Variants in ARID2 observed in about 807,000 individuals in gnomAD.
The protein encoded by ARID2 is AT-rich interactive domain-containing protein 2.
Under a neutral mutation model 184.6 loss-of-function variants are expected in ARID2, and 32 were observed. The observed-to-expected ratio is 0.17, with a 90% confidence interval of 0.13 to 0.23. The LOEUF is 0.23. Among genes scored for constraint, ARID2 ranks in the 10% least tolerant of loss-of-function variants. ARID2 has a pLI of 1.00. For missense variants in ARID2, 1,696 were observed against 2,197.6 expected (o/e 0.77, Z 4.56); for synonymous variants, 836 against 772.6 (o/e 1.08, Z -1.36).
rs2138173063 is a variant in ARID2, at chr12:45,851,702, T to C, written c.3579T>C (p.Thr1193=). The change falls in exon 15 of 21, where the codon ACT becomes ACC. Residue 1193 remains threonine, a synonymous_variant. Transcript: ENST00000334344. ...APATVSQGNA[T]QLIAPAGITM... is the part of the protein sequence containing the mutation. The stretch of plus-strand genomic sequence containing the variant: ...CAACTGTGAGTCAGGGAAATGCAAC[T>C]CAGCTCATTGCTCCAGCAGGAATTA... 6.2e-7 allele frequency: 1 copy of C among 1,614,120 alleles called. No homozygotes were observed. Among genetic ancestry groups the C allele is most frequent in the Non-Finnish European group, 8.5e-7 (1 of 1,180,000 alleles).
At chr12:45,777,464 CT>C (rs1283714475) in intron 3 of ARID2, among the ~76,000 whole-genome samples, 2 of 152,042 alleles carry the variant, frequency 1.3e-5, no homozygotes, top group Non-Finnish European at 2.9e-5. Context: ...ATGTACAGAG[CT>C]GTGCTATTAT....
intron 16 of ARID2, among the ~76,000 whole-genome samples, chr12:45,883,113 A>G (rs1487890460): frequency 6.6e-6 from 1 of 152,168 alleles, no homozygotes; most frequent in Admixed American, 6.5e-5. Context: ...AGCCTTCATA[A>G]ATGTGAGATT....
chr12:45,811,646 G>T (rs984600622), intron 4 of ARID2, 95 bp downstream of exon 4: 135 of 1,361,754 alleles, frequency 9.9e-5, no homozygotes, highest in Non-Finnish European at 1.3e-4. Context: ...CTTTGCACAT[G>T]AGAACACTTA....
chr12:45,804,640 G>T (rs549442996), intron 3 of ARID2, among the ~76,000 whole-genome samples: 1 of 152,066 alleles, frequency 6.6e-6, no homozygotes, highest in Non-Finnish European at 1.5e-5. Flanking sequence ...GGAAATGTCT[G>T]TTCTTGGAAA....
intron 20 of ARID2, among the ~76,000 whole-genome samples, chr12:45,902,739 T>G (rs1221224673): frequency 6.6e-6 from 1 of 152,032 alleles, no homozygotes; most frequent in Non-Finnish European, 1.5e-5. Flanking sequence ...GAGATGGGGT[T>G]TCACCATGTT....
At chr12:45,886,218 C>T (rs548047752) in intron 16 of ARID2, among the ~76,000 whole-genome samples, 1 of 152,132 alleles carries the variant, frequency 6.6e-6, no homozygotes, top group Admixed American at 6.5e-5. Flanking sequence ...AGGCTACAGG[C>T]ACCATCCAAA....
rs146577756 is a variant in ARID2 at position 45,875,425 on chromosome 12, A to G, written c.4922+14476A>G. Among the ~76,000 whole-genome samples the G allele has an allele frequency of 2.0e-5, 3 of 152,338 alleles. No homozygotes were observed. In the East Asian group the frequency reaches 5.8e-4, roughly 29 times the overall value. On this transcript the variant is annotated intron_variant, in intron 16 of 20. Transcript: ENST00000334344. ...AATTCTTAAGAGTCCTCAGATTTTC[A>G]GAATGGCCAATGAGCATTGACTTCA...
chr12:45,830,356 T>G (rs11614327), intron 6 of ARID2, among the ~76,000 whole-genome samples: 2,592 of 152,276 alleles, frequency 0.017, 31 homozygotes, highest in Middle Eastern at 0.044. Flanking sequence ...TTCATTGATT[T>G]TCGGGTAACT....
At chr12:45,833,072 G>T (rs1323146152) in intron 6 of ARID2, among the ~76,000 whole-genome samples, 1 of 152,036 alleles carries the variant, frequency 6.6e-6, no homozygotes, top group East Asian at 1.9e-4. Context: ...TGTTTTCTGT[G>T]TACTTAATTG....
At chr12:45,774,585 G>T (rs1941940316) in intron 3 of ARID2, among the ~76,000 whole-genome samples, 1 of 151,946 alleles carries the variant, frequency 6.6e-6, no homozygotes, top group Non-Finnish European at 1.5e-5. Flanking sequence ...TTACCATTTG[G>T]GATATAAATT....
chr12:45,740,641 A>G (rs1370986942), intron 3 of ARID2, among the ~76,000 whole-genome samples: 2 of 152,154 alleles, frequency 1.3e-5, no homozygotes, highest in Non-Finnish European at 2.9e-5. Flanking sequence ...AACATGGATA[A>G]AATTGTATTC....
chr12:45,768,446 T>A (rs139842336), intron 3 of ARID2, among the ~76,000 whole-genome samples: 39 of 152,328 alleles, frequency 2.6e-4, no homozygotes, highest in Non-Finnish European at 4.4e-4. Context: ...GTCCTCTAGC[T>A]GGGTTGTCAT....
At chr12:45,849,174 G>A (rs1431526505) in intron 13 of ARID2, among the ~76,000 whole-genome samples, 1 of 152,004 alleles carries the variant, frequency 6.6e-6, no homozygotes, top group Non-Finnish European at 1.5e-5. Context: ...AACATTATGA[G>A]ATTTATCAAA....
intron 3 of ARID2, among the ~76,000 whole-genome samples, chr12:45,806,733 AT>A (rs937730408): frequency 4.0e-5 from 6 of 151,880 alleles, no homozygotes; most frequent in African/African-American, 1.5e-4. Context: ...ACTGTACTGG[AT>A]TTTTTTGCCT....
At chr12:45,828,997 C>A (rs1943058550) in intron 6 of ARID2, among the ~76,000 whole-genome samples, 1 of 151,904 alleles carries the variant, frequency 6.6e-6, no homozygotes, top group Non-Finnish European at 1.5e-5. Flanking sequence ...TTTTGCCAAC[C>A]ATGAGGTCAA....
chr12:45,738,047 TC>T (rs944878074), intron 3 of ARID2, among the ~76,000 whole-genome samples: 51 of 152,332 alleles, frequency 3.3e-4, no homozygotes, highest in African/African-American at 1.2e-3. Context: ...CCTCACTTAT[TC>T]CTAATTGGAG....
chr12:45,735,038 A>G (rs528515017), intron 3 of ARID2, among the ~76,000 whole-genome samples: 6 of 152,168 alleles, frequency 3.9e-5, no homozygotes, highest in African/African-American at 1.2e-4. Context: ...ACCTACCTTT[A>G]GAATAGTCAG....
rs1304903615 is a variant in ARID2 at position 45,848,848 on chromosome 12, T to G, written c.1593T>G (p.His531Gln). The change falls in exon 13 of 21, where the codon CAT becomes CAG. Residue 531 changes from histidine to glutamine, a missense_variant. By Grantham distance (24) the His-to-Gln change is conservative. Around this residue, in one of 11 missense-constraint regions of ARID2, gnomAD observed 713 missense variants for 824.4 expected, o/e 0.86. Transcript: ENST00000334344. ...TCTCCTCTTTTAGGCTAAATGCTCA[T>G]TTTGAAGTAAATCCAGATTGTTCTG... is the stretch of plus-strand genomic sequence containing the variant. ...EKFACQWLNA[H>Q]FEVNPDCSVS... is the part of the protein sequence containing the mutation. The G allele has an allele frequency of 9.9e-6, 16 of 1,611,202 alleles. No individual in the cohort carries two copies. The Admixed American group carries it at 2.7e-4, about 27-fold the overall frequency.
intron 5 of ARID2, among the ~76,000 whole-genome samples, chr12:45,819,413 G>A (rs1358000403): frequency 6.6e-6 from 1 of 152,162 alleles, no homozygotes; most frequent in African/African-American, 2.4e-5. Flanking sequence ...TAGTTCCACA[G>A]TACATAGGGA....
Sources: allele counts gnomAD v4.1 joint callset (sites outside exome capture counted in the v4.1 genomes callset), GRCh38; gene constraint gnomAD v4.1.1; regional missense constraint gnomAD v4.1.1; transcripts MANE v1.5; gene names NCBI Gene and HGNC (gene_info 2026-07-23, HGNC 2026-07-21).